Variants in TMEM225 observed in about 807,000 individuals in gnomAD.
The protein encoded by TMEM225 is PMP22 claudin domain-containing protein.
TMEM225 carries 10 observed loss-of-function variants against 17.6 expected under a neutral mutation model. That is an observed-to-expected ratio of 0.57 (90% confidence interval 0.35 to 0.96). The LOEUF (loss-of-function observed/expected upper bound fraction) is 0.96, where lower values mean the gene tolerates loss of function less well. Ranked by LOEUF, TMEM225 falls within the 40% of genes least tolerant of loss-of-function variation. The pLI, the probability that TMEM225 is intolerant of heterozygous loss-of-function variation, is 0.02. For missense variants in TMEM225, 245 were observed against 271.5 expected, an observed-to-expected ratio of 0.90 and a Z score of 0.69; for synonymous variants, 101 against 94.5, an observed-to-expected ratio of 1.07 and a Z score of -0.40.
chr11:123,885,476 T>G lies in TMEM225; in HGVS notation c.-51A>C. On this transcript the variant is annotated 5_prime_UTR_variant, in exon 1 of 4. Transcript: ENST00000375026. ...CCACCACCACTATTTTGTAGATCTC[T>G]TCCTTGATTTGATTAGTTACAAGAA... is the stretch of plus-strand genomic sequence containing the variant. 143 of 1,521,834 alleles carry G rather than the reference T, an allele frequency of 9.4e-5. No individual in the cohort carries two copies. The highest frequency in any genetic ancestry group is 1.8e-4 in the Middle Eastern group (1 of 5,698). The allele number at this position is 1,521,834 out of a possible 1,614,324, so 94.3% of individuals were successfully genotyped here. A position where few individuals can be genotyped will look rare whatever the true frequency, so the allele number is the denominator to read the frequency against.
At chr11:123,884,661 G>T (rs1339362647) in intron 1 of TMEM225, 25 bp from the exon 2 acceptor site, 7 of 1,600,970 alleles carry the variant, frequency 4.4e-6, no homozygotes, top group Non-Finnish European at 5.1e-6. Context: ...AAGCTGTTTT[G>T]AGAGGACAGA....
At chr11:123,883,924 G>A (rs1863000224) in intron 3 of TMEM225, 151 bp downstream of exon 3, 1 of 821,834 alleles carries the variant, frequency 1.2e-6, no homozygotes, top group Non-Finnish European at 1.8e-6. Context: ...TCTTCTTGGA[G>A]GAACTGTCAT....
In TMEM225 at chr11:123,885,447, G is replaced by T; in HGVS notation, c.-22C>A. The T allele has an allele frequency of 6.2e-7, 1 of 1,600,040 alleles. No homozygotes were observed. Among genetic ancestry groups the T allele is most frequent in the Non-Finnish European group, 8.5e-7 (1 of 1,172,544 alleles). ...CCATTGTGAGTGAAAATTTCTAGCTGGAACCACCACCACTATTTTGTAGAT... is the reference window on the plus strand; with the variant it reads ...CCATTGTGAGTGAAAATTTCTAGCTTGAACCACCACCACTATTTTGTAGAT... On this transcript the variant is annotated 5_prime_UTR_variant, in exon 1 of 4. Coordinates refer to ENST00000375026, the MANE Select transcript of TMEM225 (RefSeq NM_001013743.3).
At position 123,884,222 on chromosome 11, in the gene TMEM225, CAAAAAA is replaced by C. The variant is rs61366176; in HGVS notation, c.329-19_329-14del. 603 of 1,233,598 alleles carry C rather than the reference CAAAAAA, an allele frequency of 4.9e-4. No homozygotes were observed. The highest frequency in any genetic ancestry group is 1.3e-3 in the South Asian group (66 of 49,172). The allele number at this position is 1,233,598 out of a possible 1,614,324, so 76.4% of individuals were successfully genotyped here. On this transcript the variant is annotated splice_polypyrimidine_tract_variant and intron_variant, in intron 2 of 3. Transcript: ENST00000375026. ...AGCAGAGAGATACCTGATGTCCAGA[CAAAAAA>C]AAAAAAAAAAAAAGAAAAAGAAAAA...
intron 1 of TMEM225, among the ~76,000 whole-genome samples, 197 bp from the exon 2 acceptor site, chr11:123,884,833 T>C (rs1454287823): frequency 6.6e-6 from 1 of 152,204 alleles, no homozygotes; most frequent in East Asian, 1.9e-4. Context: ...TCTATCCTGA[T>C]GTCTCTCTAT....
In TMEM225 at chr11:123,884,091, G is replaced by C. The variant is rs764669671; in HGVS notation, c.447C>G (p.Phe149Leu). 10 of 1,610,042 alleles carry C rather than the reference G, an allele frequency of 6.2e-6. No individual in the cohort carries two copies. The South Asian group carries it at 1.0e-4, about 16-fold the overall frequency. The stretch of plus-strand genomic sequence containing the variant: ...GACACTCACCACAGACAGACAAGAA[G>C]AAAACATTTAAGTAAGCAGTATACA... Reference protein sequence around the residue: ...WIMYTAYLNVFFLSVCGVLSL... With the variant: ...WIMYTAYLNVLFLSVCGVLSL... The change falls in exon 3 of 4, where the codon TTC (phenylalanine) becomes TTG (leucine). Residue 149 changes from phenylalanine (F) to leucine (L), a missense_variant. Transcript: ENST00000375026.
chr11:123,883,316 C>G lies in TMEM225; in HGVS notation c.500G>C (p.Ser167Thr), dbSNP rs1862989244. The part of the protein sequence containing the change: ...LSLLECKLST[S>T]SCTCLNIHKS... ...ATGGATGTTCAGGCAGGTACAGCTACTGGTAGACAACTTGCACTCTAGGAG... is the reference window on the plus strand; with the variant it reads ...ATGGATGTTCAGGCAGGTACAGCTAGTGGTAGACAACTTGCACTCTAGGAG... The change falls in exon 4 of 4, where the codon AGT becomes ACT. Residue 167 changes from serine to threonine, a missense_variant. Coordinates refer to ENST00000375026, the MANE Select transcript of TMEM225 (RefSeq NM_001013743.3). 1.2e-6 allele frequency: 2 copies of G among 1,613,206 alleles called. No individual in the cohort carries two copies. Among genetic ancestry groups the G allele is most frequent in the South Asian group, 2.2e-5 (2 of 91,056 alleles).
chr11:123,884,281 T>C (rs2137477594), intron 2 of TMEM225, 72 bp from the exon 3 acceptor site: 1 of 1,496,252 alleles, frequency 6.7e-7, no homozygotes, highest in East Asian at 2.4e-5. Flanking sequence ...TTTGGCTCCT[T>C]GATGCAAGTC....
rs1426404428 is a variant in TMEM225 at position 123,884,127 on chromosome 11, G to A, written c.411C>T (p.Ile137=). The change falls in exon 3 of 4, where the codon ATC becomes ATT. Residue 137 remains isoleucine (I), a synonymous_variant. Transcript: ENST00000375026. The part of the protein sequence containing the change: ...GQSMHFSSYR[I]TWIMYTAYLN... ...AGTAAGCAGTATACATGATCCAGGT[G>A]ATCCTATAACTAGAGAAGTGCATGG... 2 of 1,606,620 alleles carry A rather than the reference G, an allele frequency of 1.2e-6. No homozygotes were observed. The highest frequency in any genetic ancestry group is 1.1e-5 in the South Asian group (1 of 90,832).
rs937545350 is a variant in TMEM225, at chr11:123,882,929, T to A, written c.*209A>T. ...TTAACAATACAGAAAGTATTATTTA[T>A]ATGATAATATTTATTATATTAACAA... is the stretch of plus-strand genomic sequence containing the variant. On this transcript the variant is annotated 3_prime_UTR_variant, in exon 4 of 4. Transcript: ENST00000375026. 62 of 393,270 alleles carry A rather than the reference T, an allele frequency of 1.6e-4. No homozygotes were observed. Among genetic ancestry groups the A allele is most frequent in the African/African-American group, 1.2e-3 (59 of 48,700 alleles). The allele number at this position is 393,270 out of a possible 1,614,324, so 24.4% of individuals were successfully genotyped here. A position where few individuals can be genotyped will look rare whatever the true frequency, so the allele number is the denominator to read the frequency against.
chr11:123,884,220 GACAAAAA>G lies in TMEM225; in HGVS notation c.329-18_329-12del. ...AGAGCAGAGAGATACCTGATGTCCA[GACAAAAA>G]AAAAAAAAAAAAAAGAAAAAGAAAA... On this transcript the variant is annotated splice_polypyrimidine_tract_variant and intron_variant, in intron 2 of 3. Coordinates refer to ENST00000375026, the MANE Select transcript of TMEM225 (RefSeq NM_001013743.3). The G allele has an allele frequency of 1.5e-6, 1 of 651,708 alleles. No homozygotes were observed. 40.4% of individuals were successfully genotyped at this position (651,708 alleles called of 1,614,324 possible). A position where few individuals can be genotyped will look rare whatever the true frequency, so the allele number is the denominator to read the frequency against.
At chr11:123,883,719 A>G (rs903101015) in intron 3 of TMEM225, among the ~76,000 whole-genome samples, 6 of 151,946 alleles carry the variant, frequency 3.9e-5, no homozygotes, top group African/African-American at 1.2e-4. Context: ...TTGACACTAC[A>G]CTGTACTCCC....
Position 123,885,302 on chromosome 11 carries a change from T to C in TMEM225, c.124A>G (p.Arg42Gly). The change falls in exon 1 of 4, where the codon AGA (arginine) becomes GGA (glycine). Residue 42 changes from arginine (R) to glycine (G), a missense_variant. Coordinates refer to ENST00000375026, the MANE Select transcript of TMEM225 (RefSeq NM_001013743.3). ...CAAGGACTGTGGTTCATCTTGGCTC[T>C]TTCATCTTCTGAAATCAATTCAACC... is the stretch of plus-strand genomic sequence containing the variant. ...KWVELISEDERAKMNHSPWMM... is the reference protein window; with the variant it reads ...KWVELISEDEGAKMNHSPWMM... The C allele has an allele frequency of 6.2e-7, 1 of 1,613,724 alleles. No homozygotes were observed. Among genetic ancestry groups the C allele is most frequent in the South Asian group, 1.1e-5 (1 of 91,062 alleles).
At position 123,885,405 on chromosome 11, in the gene TMEM225, TCTATTTG is replaced by T. The variant is rs769699845; in HGVS notation, c.14_20del (p.Ser5Ter). 59 of 1,612,654 alleles carry T rather than the reference TCTATTTG, an allele frequency of 3.7e-5. No homozygotes were observed. The East Asian group carries it at 1.3e-3, about 34-fold the overall frequency. ...AAAGTATGTTCATACCCTGGATACT[TCTATTTG>T]AAACATGCACCATTGTGAGTGAAAA... is the stretch of plus-strand genomic sequence containing the variant. On this transcript the variant is annotated frameshift_variant, in exon 1 of 4. Coordinates refer to ENST00000375026, the MANE Select transcript of TMEM225 (RefSeq NM_001013743.3). LOFTEE classifies it high-confidence loss of function.
intron 3 of TMEM225, 54 bp downstream of exon 3, chr11:123,884,021 C>G: frequency 6.6e-7 from 1 of 1,517,738 alleles, no homozygotes; most frequent in East Asian, 2.4e-5. Context: ...ACCCTTCCCT[C>G]TGTCGGGGAT....
intron 1 of TMEM225, 27 bp downstream of exon 1, chr11:123,885,218 C>T (rs370041522): frequency 2.2e-5 from 35 of 1,600,298 alleles, no homozygotes; most frequent in Admixed American, 1.2e-4. Flanking sequence ...CCTTTCCACC[C>T]GTCTCTTTCT....
intron 1 of TMEM225, 72 bp downstream of exon 1, chr11:123,885,173 C>A: frequency 1.4e-6 from 2 of 1,388,940 alleles, no homozygotes; most frequent in Middle Eastern, 3.8e-4. Context: ...GAGATTAATG[C>A]AAGTTAAGGA....
Position 123,884,187 on chromosome 11 carries a change from G to T in TMEM225, c.351C>A (p.Leu117=), listed in dbSNP as rs201921748. The T allele has an allele frequency of 1.1e-5, 17 of 1,552,704 alleles. No individual in the cohort carries two copies. Among genetic ancestry groups the T allele is most frequent in the Non-Finnish European group, 7.9e-6 (9 of 1,138,794 alleles). ...GCTTCAGCTTATTGTGATATAGTAT[G>T]AGTGCCCAGAGCAGAGAGATACCTG... ...FFSGISLLWA[L]ILYHNKLKQG... Residue 117 remains leucine (L), a synonymous_variant, in exon 3 of 4, where the codon CTC becomes CTA. Coordinates refer to ENST00000375026, the MANE Select transcript of TMEM225 (RefSeq NM_001013743.3).
At chr11:123,884,893 C>T (rs728178) in intron 1 of TMEM225, among the ~76,000 whole-genome samples, 17,055 of 152,020 alleles carry the variant, frequency 0.11, 1,045 homozygotes, top group Middle Eastern at 0.16. Context: ...TGTTAAATAC[C>T]GCAATTCACT....
Sources: gnomAD v4.1 joint callset for allele counts (sites outside exome capture counted in the v4.1 genomes callset) on GRCh38, gnomAD v4.1.1 for gene constraint, MANE v1.5 for transcripts, NCBI Gene and HGNC (gene_info 2026-07-23, HGNC 2026-07-21) for gene names.